The following WRAP53 variants were observed in gnomAD, a reference collection of about 807,000 sequenced individuals.
The protein encoded by WRAP53 is WD repeat containing antisense to TP53, also known as telomerase Cajal body protein 1.
Under a neutral mutation model 56.6 loss-of-function variants are expected in WRAP53, and 28 were observed. That is an observed-to-expected ratio of 0.50 (90% confidence interval 0.37 to 0.68). The LOEUF (loss-of-function observed/expected upper bound fraction) is 0.68. WRAP53 is among the 30% of genes least tolerant of loss of function. The pLI is 0.00. For synonymous variants in WRAP53, 283 were observed against 283.4 expected (o/e 1.00, Z 0.01); for missense variants, 671 against 715.5 (o/e 0.94, Z 0.71).
chr17:7,694,466 C>T (rs933635120), intron 4 of WRAP53, among the ~76,000 whole-genome samples: 6 of 152,070 alleles, frequency 3.9e-5, no homozygotes, highest in African/African-American at 1.4e-4. Context: ...TGGTCTCAAA[C>T]TCCCGACCTC....
At chr17:7,696,824 T>C (rs1597413870) in intron 4 of WRAP53, among the ~76,000 whole-genome samples, 1 of 152,064 alleles carries the variant, frequency 6.6e-6, no homozygotes. Context: ...GGTTTGATGG[T>C]GGTGGATGCC....
chr17:7,699,461 TATATATATATATATTTATA>T (rs2074232342), intron 4 of WRAP53, among the ~76,000 whole-genome samples: 1 of 14,536 alleles, frequency 6.9e-5, no homozygotes, highest in Non-Finnish European at 9.6e-5. Flanking sequence ...TATATATTTA[TATATATATATATATTTATA>T]TATATATATA....
At chr17:7,698,757 A>G (rs1041724110) in intron 4 of WRAP53, among the ~76,000 whole-genome samples, 9 of 152,028 alleles carry the variant, frequency 5.9e-5, no homozygotes. Flanking sequence ...GGCGCCTGTA[A>G]TCGTAGCTAC....
At position 7,702,222 on chromosome 17, in the gene WRAP53, C is replaced by G. The variant is rs2074284399; in HGVS notation, c.956-122C>G. ...AGGTCTTTGTCCTGCTTGTGACAGA[C>G]AGCATGGGGGGGATGTTGAGTCCAA... On this transcript the variant is annotated intron_variant, in intron 7 of 10. Transcript: ENST00000396463. This position sits in a 1 kb window ranked among gnomAD's most constrained non-coding sequence, Gnocchi z 5.0. The G allele has an allele frequency of 2.8e-6, 3 of 1,066,518 alleles. No homozygotes were observed. The highest frequency in any genetic ancestry group is 1.9e-5 in the Admixed American group (1 of 52,184). The allele number at this position is 1,066,518 out of a possible 1,614,324, so 66.1% of individuals were successfully genotyped here.
At chr17:7,686,250 C>A (rs1223431425), upstream of WRAP53, 2 of 152,116 alleles carry the variant, frequency 1.3e-5, no homozygotes, top group Non-Finnish European at 2.9e-5. Context: ...GACAAATTAT[C>A]AAACGACCCA....
At position 7,703,279 on chromosome 17, in the gene WRAP53, C is replaced by G; in HGVS notation, c.1440C>G (p.Ser480=). ...HPSLPLLATA[S]GQRVFPEPTE... is the part of the protein sequence containing the mutation. ...GCCTGCCTCTCCTGGCCACTGCCTC[C>G]GGTCAGCGTGTGTTTCCTGAGCCCA... Residue 480 remains serine, a synonymous_variant, in exon 11 of 11, where the codon TCC becomes TCG. Coordinates refer to ENST00000396463, the MANE Select transcript of WRAP53 (RefSeq NM_001143992.2). 6.2e-7 allele frequency: 1 copy of G among 1,613,788 alleles called. No homozygotes were observed. The highest frequency in any genetic ancestry group is 8.5e-7 in the Non-Finnish European group (1 of 1,180,030).
intron 4 of WRAP53, among the ~76,000 whole-genome samples, chr17:7,692,511 C>T (rs373485695): frequency 4.0e-5 from 6 of 149,016 alleles, no homozygotes; most frequent in East Asian, 2.1e-4. Flanking sequence ...ATCCCAGCTA[C>T]TCTGGAGTCT....
Position 7,703,484 on chromosome 17 carries a change from TA to T in WRAP53, c.*3del. 6.4e-7 allele frequency: 1 copy of T among 1,564,668 alleles called. No homozygotes were observed. The highest frequency in any genetic ancestry group is 8.7e-7 in the Non-Finnish European group (1 of 1,153,128). ...GGAGGGAGGTGTGGGTGAGCTGATA[TA>T]AAAAGGTTTTTATGATACTAGAGTC... ...GTEGGVGELI[*>X] On this transcript the variant is annotated frameshift_variant and stop_lost, in exon 11 of 11. Coordinates refer to ENST00000396463, the MANE Select transcript of WRAP53 (RefSeq NM_001143992.2). LOFTEE classifies it high-confidence loss of function.
Position 7,701,191 on chromosome 17 carries a change from C to T in WRAP53, c.732-268C>T, listed in dbSNP as rs560075112. 8.5e-5 allele frequency among the ~76,000 whole-genome samples: 13 copies of T among 152,284 alleles called. No homozygotes were observed. In the East Asian group the frequency reaches 2.1e-3, roughly 25 times the overall value. ...TTCACCACGTTGGCCAGGCTGGTCT[C>T]GAACTGACCTCAGGTGATCCACCTG... On this transcript the variant is annotated intron_variant, in intron 5 of 10. Coordinates refer to ENST00000396463, the MANE Select transcript of WRAP53 (RefSeq NM_001143992.2). The surrounding 1 kb of genome is among the most constrained non-coding windows in gnomAD (Gnocchi z 4.2).
rs573861184 is a variant in WRAP53, at chr17:7,692,482, G to A, written c.642+2781G>A. ...TAAAAATACAAAAAATTAGCTGGGC[G>A]TGGTGGCGGGCGCCTGTAATCCCAG... On this transcript the variant is annotated intron_variant, in intron 4 of 10. Coordinates refer to ENST00000396463, the MANE Select transcript of WRAP53 (RefSeq NM_001143992.2). 8.6e-5 allele frequency among the ~76,000 whole-genome samples: 13 copies of A among 151,432 alleles called. No individual in the cohort carries two copies. The East Asian group carries it at 1.2e-3, about 14-fold the overall frequency.
In WRAP53 at chr17:7,689,281, G is replaced by A. The variant is rs1369550456; in HGVS notation, c.489G>A (p.Glu163=). The change falls in exon 3 of 11, where the codon GAG becomes GAA. Residue 163 remains glutamate (E), a synonymous_variant. Transcript: ENST00000396463. ...GATTTCTCAGTGGTTCCTGGTCAGA[G>A]TTCAGCACCCAACCTGAGAACTTCT... ...LPRFLSGSWS[E]FSTQPENFLK... The A allele has an allele frequency of 1.2e-6, 2 of 1,614,026 alleles. No homozygotes were observed. Among genetic ancestry groups the A allele is most frequent in the Non-Finnish European group, 1.7e-6 (2 of 1,180,018 alleles).
At position 7,701,494 on chromosome 17, in the gene WRAP53, T is replaced by C. The variant is rs548123219; in HGVS notation, c.767T>C (p.Ile256Thr). ...AGCAGCCGGGAGAACCCGATTCATA[T>C]CTGGGACGCATTCACTGGAGAGCTC... ...ASSSRENPIH[I>T]WDAFTGELRA... The change falls in exon 6 of 11, where the codon ATC becomes ACC. Residue 256 changes from isoleucine to threonine, a missense_variant. Coordinates refer to ENST00000396463, the MANE Select transcript of WRAP53 (RefSeq NM_001143992.2). This position sits in a 1 kb window ranked among gnomAD's most constrained non-coding sequence, Gnocchi z 4.2. 7.2e-5 allele frequency: 116 copies of C among 1,614,248 alleles called. 1 individual carries two copies. In the South Asian group the frequency reaches 1.2e-3, roughly 16 times the overall value.
rs776678806 is a variant in WRAP53 at position 7,702,634 on chromosome 17, G to T, written c.1164+82G>T. The T allele has an allele frequency of 1.2e-5, 19 of 1,595,424 alleles. No homozygotes were observed. Among genetic ancestry groups the T allele is most frequent in the Non-Finnish European group, 1.5e-5 (18 of 1,174,096 alleles). On this transcript the variant is annotated intron_variant, in intron 8 of 10. Transcript: ENST00000396463. This position sits in a 1 kb window ranked among gnomAD's most constrained non-coding sequence, Gnocchi z 5.0. The stretch of plus-strand genomic sequence containing the variant: ...TGTAGTCTGCAGTGTAGGGGAATGG[G>T]TGGGGATGGGGAAAAAATCCCAAGC...
chr17:7,686,311 T>C (rs1340132351), upstream of WRAP53: 1 of 152,176 alleles, frequency 6.6e-6, no homozygotes, highest in African/African-American at 2.4e-5. Flanking sequence ...TTCTTTTTTT[T>C]TTTCCTCCGG....
rs188668951 is a variant in WRAP53, at chr17:7,703,049, C to T, written c.1325C>T (p.Thr442Met). The T allele has an allele frequency of 2.5e-5, 41 of 1,614,066 alleles. No individual in the cohort carries two copies. Among genetic ancestry groups the T allele is most frequent in the African/African-American group, 1.9e-4 (14 of 75,004 alleles). ...STSGAVSVWD[T>M]DGPGNDGKPE... The stretch of plus-strand genomic sequence containing the variant: ...AGCGGGGCTGTCTCTGTGTGGGACA[C>T]GGACGGGCCTGGCAATGATGGGAAG... Residue 442 changes from threonine (T) to methionine (M), a missense_variant, in exon 10 of 11, where the codon ACG (threonine) becomes ATG (methionine). Coordinates refer to ENST00000396463, the MANE Select transcript of WRAP53 (RefSeq NM_001143992.2).
In WRAP53 at chr17:7,702,973, ATC is replaced by A. The variant is rs1196788788; in HGVS notation, c.1269-15_1269-14del. The A allele has an allele frequency of 2.5e-6, 4 of 1,613,370 alleles. No homozygotes were observed. Among genetic ancestry groups the A allele is most frequent in the Admixed American group, 1.7e-5 (1 of 60,008 alleles). On this transcript the variant is annotated intron_variant, in intron 9 of 10. Transcript: ENST00000396463. This position sits in a 1 kb window ranked among gnomAD's most constrained non-coding sequence, Gnocchi z 5.0. Reference sequence around the variant, plus strand: ...CCAGGGGTGAGGCCTCTGCCAGCAAATCTCTCCTCTCTCTCGCAGGACCGGGC... The same window carrying A: ...CCAGGGGTGAGGCCTCTGCCAGCAAATCTCCTCTCTCTCGCAGGACCGGGC...
chr17:7,701,483 C>G lies in WRAP53; in HGVS notation c.756C>G (p.Asn252Lys). 6.2e-7 allele frequency: 1 copy of G among 1,614,242 alleles called. No individual in the cohort carries two copies. The highest frequency in any genetic ancestry group is 8.5e-7 in the Non-Finnish European group (1 of 1,180,050). ...GCGTGGCCAGCAGCAGCCGGGAGAA[C>G]CCGATTCATATCTGGGACGCATTCA... Reference protein sequence around the residue: ...TSYVASSSRENPIHIWDAFTG... With the variant: ...TSYVASSSREKPIHIWDAFTG... Residue 252 changes from asparagine (N) to lysine (K), a missense_variant, in exon 6 of 11, where the codon AAC becomes AAG. This residue lies in a region of WRAP53 where 406 missense variants were observed against 418.5 expected (regional missense o/e 0.97). Transcript: ENST00000396463. This position sits in a 1 kb window ranked among gnomAD's most constrained non-coding sequence, Gnocchi z 4.2.
intron 4 of WRAP53, among the ~76,000 whole-genome samples, chr17:7,700,439 G>A (rs1705336103): frequency 6.6e-6 from 1 of 150,980 alleles, no homozygotes; most frequent in Non-Finnish European, 1.5e-5. Flanking sequence ...GAGGTCAGAA[G>A]TTTGAGACCA....
At position 7,703,090 on chromosome 17, in the gene WRAP53, A is replaced by G. The variant is rs1279166931; in HGVS notation, c.1366A>G (p.Ser456Gly). 6.2e-7 allele frequency: 1 copy of G among 1,614,046 alleles called. No individual in the cohort carries two copies. Among genetic ancestry groups the G allele is most frequent in the East Asian group, 2.2e-5 (1 of 44,878 alleles). Residue 456 changes from serine (S) to glycine (G), a missense_variant, in exon 10 of 11, where the codon AGT (serine) becomes GGT (glycine). By Grantham distance (56) the Ser-to-Gly change is moderately conservative. Coordinates refer to ENST00000396463, the MANE Select transcript of WRAP53 (RefSeq NM_001143992.2). ...GNDGKPEPVL[S>G]FLPQKDCTNG... ...TGATGGGAAGCCGGAGCCCGTGTTGAGTTTTCTGCCCCAGAAGGACTGCAC... is the reference window on the plus strand; with the variant it reads ...TGATGGGAAGCCGGAGCCCGTGTTGGGTTTTCTGCCCCAGAAGGACTGCAC...
Sources: gnomAD v4.1 joint callset for allele counts (sites outside exome capture counted in the v4.1 genomes callset) on GRCh38, gnomAD v4.1.1 for gene constraint, gnomAD v4.1.1 regional missense constraint, Gnocchi (gnomAD v3.1) non-coding constraint, MANE v1.5 for transcripts, NCBI Gene and HGNC (gene_info 2026-07-23, HGNC 2026-07-21) for gene names.